TAF1B: variants seen among roughly 807,000 people sequenced by gnomAD.
TAF1B encodes the protein TATA box-binding protein-associated factor RNA polymerase I subunit B.
Under a neutral mutation model 83.9 loss-of-function variants are expected in TAF1B, and 61 were observed. The ratio of observed to expected loss-of-function variants is 0.73; its 90% CI spans 0.59 to 0.90. The LOEUF (loss-of-function observed/expected upper bound fraction) is 0.90, where lower values mean the gene tolerates loss of function less well. Among genes scored for constraint, TAF1B ranks in the 40% least tolerant of loss-of-function variants. The probability of loss-of-function intolerance (pLI) is 0.00; values close to 1 mark genes in which losing one functional copy is unlikely to be tolerated. For synonymous variants in TAF1B, 221 were observed against 224.6 expected (o/e 0.98, Z 0.14); for missense variants, 625 against 677.0 (o/e 0.92, Z 0.85).
intron 8 of TAF1B, among the ~76,000 whole-genome samples, chr2:9,896,183 G>A (rs1340888734): frequency 6.6e-6 from 1 of 152,108 alleles, no homozygotes; most frequent in Non-Finnish European, 1.5e-5. Flanking sequence ...GCCAAGTGTA[G>A]TAAATGTCCA....
chr2:9,922,245 C>G (rs374753067), intron 14 of TAF1B, among the ~76,000 whole-genome samples: 2 of 152,190 alleles, frequency 1.3e-5, no homozygotes, highest in African/African-American at 4.8e-5. Flanking sequence ...CTTCTCAAAA[C>G]CTTCAGTGGC....
chr2:9,856,304 G>GAA (rs571548986), intron 5 of TAF1B, among the ~76,000 whole-genome samples: 1 of 134,926 alleles, frequency 7.4e-6, no homozygotes. Flanking sequence ...AAAGCTAACT[G>GAA]AAAAAAAAAA....
chr2:9,845,969 C>T lies in TAF1B; in HGVS notation c.117+651C>T, dbSNP rs565200831. The T allele has an allele frequency of 1.8e-3, 799 of 433,770 alleles. 4 individuals carry two copies. The highest frequency in any genetic ancestry group is 2.7e-3 in the Non-Finnish European group (571 of 210,676). 26.9% of individuals were successfully genotyped at this position (433,770 alleles called of 1,614,324 possible). Reference sequence around the variant, plus strand: ...CTGTACTCCAGCCTGGGCAGCAGAGCAAGACTCTGTCTAAAAAAGAGAAAG... The same window carrying T: ...CTGTACTCCAGCCTGGGCAGCAGAGTAAGACTCTGTCTAAAAAAGAGAAAG... On this transcript the variant is annotated intron_variant, in intron 2 of 14. Transcript: ENST00000263663.
intron 2 of TAF1B, among the ~76,000 whole-genome samples, chr2:9,847,655 AT>A (rs77471796): frequency 0.23 from 34,556 of 152,124 alleles, 4,762 homozygotes; most frequent in East Asian, 0.3. Flanking sequence ...GGAAAAAAAA[AT>A]GTAAGGTCAT....
chr2:9,860,484 A>G (rs1663717120), intron 5 of TAF1B, among the ~76,000 whole-genome samples: 1 of 152,172 alleles, frequency 6.6e-6, no homozygotes, highest in Non-Finnish European at 1.5e-5. Flanking sequence ...AAAATGTGGT[A>G]TGGGAGGGGA....
intron 2 of TAF1B, among the ~76,000 whole-genome samples, chr2:9,848,526 C>T (rs1287148636): frequency 2.6e-5 from 4 of 152,054 alleles, no homozygotes; most frequent in African/African-American, 7.2e-5. Flanking sequence ...ATTAGCCAGG[C>T]GTGATGGCGC....
At chr2:9,861,643 G>A (rs1457224028) in intron 5 of TAF1B, among the ~76,000 whole-genome samples, 1 of 152,240 alleles carries the variant, frequency 6.6e-6, no homozygotes, top group African/African-American at 2.4e-5. Flanking sequence ...CGGGCAGACT[G>A]CCTCCTCAAG....
chr2:9,929,307 C>G (rs1325349296), intron 14 of TAF1B, among the ~76,000 whole-genome samples: 1 of 152,068 alleles, frequency 6.6e-6, no homozygotes, highest in African/African-American at 2.4e-5. Flanking sequence ...TACAGGTGCC[C>G]GCCTCCACAC....
chr2:9,894,599 A>G (rs1454004633), intron 8 of TAF1B, among the ~76,000 whole-genome samples: 1 of 152,158 alleles, frequency 6.6e-6, no homozygotes, highest in Non-Finnish European at 1.5e-5. Context: ...TTCTTTTAGA[A>G]TCATACCTCA....
At chr2:9,886,793 G>A (rs965519637) in intron 8 of TAF1B, among the ~76,000 whole-genome samples, 1 of 152,192 alleles carries the variant, frequency 6.6e-6, no homozygotes, top group Non-Finnish European at 1.5e-5. Context: ...CCGGCCAGGC[G>A]CAGTGGCTTA....
chr2:9,909,717 G>A (rs1438970132), intron 9 of TAF1B, among the ~76,000 whole-genome samples: 1 of 152,190 alleles, frequency 6.6e-6, no homozygotes, highest in East Asian at 1.9e-4. Flanking sequence ...AGTGCCTTAG[G>A]TATATTCATT....
At chr2:9,907,582 C>CGCTG in intron 9 of TAF1B, among the ~76,000 whole-genome samples, 1 of 152,170 alleles carries the variant, frequency 6.6e-6, no homozygotes. Context: ...CCTGAGTAAG[C>CGCTG]GCTGCCCCTT....
rs1305474924 is a variant in TAF1B at position 9,902,394 on chromosome 2, C to T, written c.808-2465C>T. Reference sequence around the variant, plus strand: ...CACCCCAGGAGCTCTGCTGGGTGCTCCCTTCCAGTCATGTCCTACCCACCC... The same window carrying T: ...CACCCCAGGAGCTCTGCTGGGTGCTTCCTTCCAGTCATGTCCTACCCACCC... On this transcript the variant is annotated intron_variant, in intron 8 of 14. Transcript: ENST00000263663. Among the ~76,000 whole-genome samples the T allele has an allele frequency of 5.3e-5, 8 of 152,238 alleles. No individual in the cohort carries two copies. In the East Asian group the frequency reaches 1.5e-3, roughly 29 times the overall value.
chr2:9,879,443 A>C (rs1452852592), intron 7 of TAF1B, among the ~76,000 whole-genome samples: 1 of 152,212 alleles, frequency 6.6e-6, no homozygotes, highest in Non-Finnish European at 1.5e-5. Flanking sequence ...ATGATATTTC[A>C]TCATGTTCTT....
intron 8 of TAF1B, among the ~76,000 whole-genome samples, chr2:9,885,302 A>G (rs1214503782): frequency 2.0e-5 from 3 of 152,242 alleles, no homozygotes; most frequent in African/African-American, 7.2e-5. Flanking sequence ...GAGGTTTAGC[A>G]GGGATCACAT....
chr2:9,883,111 AAAAAT>A (rs1214658446), intron 8 of TAF1B, among the ~76,000 whole-genome samples: 11 of 152,216 alleles, frequency 7.2e-5, no homozygotes, highest in African/African-American at 1.2e-4. Context: ...TCAATTTTTT[AAAAAT>A]AAAATATGTG....
At chr2:9,918,171 G>C (rs1665745912) in intron 12 of TAF1B, among the ~76,000 whole-genome samples, 1 of 152,110 alleles carries the variant, frequency 6.6e-6, no homozygotes, top group South Asian at 2.1e-4. Context: ...CTGGGATTAA[G>C]AAGAAGGTGG....
intron 14 of TAF1B, among the ~76,000 whole-genome samples, chr2:9,926,766 G>A (rs1160319697): frequency 6.8e-6 from 1 of 147,268 alleles, no homozygotes; most frequent in Admixed American, 6.8e-5. Flanking sequence ...TTGAACCTGG[G>A]AGGCAGAGGT....
At chr2:9,919,227 C>T in intron 13 of TAF1B, 116 bp downstream of exon 13, 1 of 811,930 alleles carries the variant, frequency 1.2e-6, no homozygotes, top group Non-Finnish European at 2.0e-6. Flanking sequence ...ACAAATGTTC[C>T]AGGGCACATG....
Sources: allele counts gnomAD v4.1 joint callset (sites outside exome capture counted in the v4.1 genomes callset), GRCh38; gene constraint gnomAD v4.1.1; transcripts MANE v1.5; gene names NCBI Gene and HGNC (gene_info 2026-07-23, HGNC 2026-07-21).